Variants in LCP2 observed in about 807,000 individuals in gnomAD.
LCP2 encodes 76 kDa tyrosine phosphoprotein.
A neutral mutation model predicts 74.5 loss-of-function variants in LCP2; 29 were observed. That is an observed-to-expected ratio of 0.39 (90% CI 0.29 to 0.53). The LOEUF is 0.53. LCP2 is among the 20% of genes least tolerant of loss of function. LCP2 has a pLI of 0.72. For synonymous variants in LCP2, 228 were observed against 229.5 expected, an observed-to-expected ratio of 0.99 and a Z score of 0.06; for missense variants, 604 against 634.6, an observed-to-expected ratio of 0.95 and a Z score of 0.52.
rs748723231 is a variant in LCP2 at position 170,262,903 on chromosome 5, T to C, written c.799-42A>G. ...AAAATGTATGAGTGTCCAAGCACTT[T>C]TCAAAGAATAAGGACAAGATGTGAA... On this transcript the variant is annotated intron_variant, in intron 11 of 20. Transcript: ENST00000046794. 9 of 1,614,028 alleles carry C rather than the reference T, an allele frequency of 5.6e-6. No homozygotes were observed. The East Asian group carries it at 2.0e-4, about 36-fold the overall frequency.
intron 5 of LCP2, among the ~76,000 whole-genome samples, chr5:170,274,770 A>G (rs1761976133): frequency 6.6e-6 from 1 of 152,024 alleles, no homozygotes; most frequent in South Asian, 2.1e-4. Context: ...AGGTCAGGAG[A>G]TCGAGACCAT....
At chr5:170,267,227 C>G in intron 8 of LCP2, 152 bp from the exon 9 acceptor site, 2 of 733,272 alleles carry the variant, frequency 2.7e-6, no homozygotes, top group Non-Finnish European at 4.6e-6. Context: ...ACCGCAGTAG[C>G]CTCCTATCTG....
chr5:170,296,071 G>T (rs1318834770), intron 1 of LCP2, among the ~76,000 whole-genome samples: 2 of 152,166 alleles, frequency 1.3e-5, no homozygotes, highest in East Asian at 3.8e-4. Flanking sequence ...CCCGTCCCAA[G>T]TCTTTCTCTT....
intron 2 of LCP2, among the ~76,000 whole-genome samples, chr5:170,289,659 TTCTTTCTTTCTTTCTCTCTC>T (rs1762249166): frequency 8.9e-6 from 1 of 112,530 alleles, no homozygotes; most frequent in African/African-American, 3.6e-5. Context: ...CTTTCTTTCT[TTCTTTCTTTCTTTCTCTCTC>T]TCTCTCTTTC....
chr5:170,283,514 G>A (rs780682044), intron 3 of LCP2, among the ~76,000 whole-genome samples: 9 of 152,186 alleles, frequency 5.9e-5, no homozygotes, highest in Non-Finnish European at 7.3e-5. Flanking sequence ...CTCACTGGCA[G>A]GATCTTGGTC....
intron 13 of LCP2, among the ~76,000 whole-genome samples, chr5:170,261,405 G>GTA (rs1161834644): frequency 9.0e-6 from 1 of 110,882 alleles, no homozygotes; most frequent in African/African-American, 3.2e-5. Flanking sequence ...GTGTGTGTGT[G>GTA]TGTATATATA....
At chr5:170,290,081 G>T (rs1164474815) in intron 2 of LCP2, among the ~76,000 whole-genome samples, 1 of 152,166 alleles carries the variant, frequency 6.6e-6, no homozygotes, top group Non-Finnish European at 1.5e-5. Context: ...GAGAGATGTT[G>T]AAACAGAATT....
At chr5:170,255,322 A>C (rs1761530773) in intron 17 of LCP2, among the ~76,000 whole-genome samples, 1 of 152,218 alleles carries the variant, frequency 6.6e-6, no homozygotes, top group South Asian at 2.1e-4. Flanking sequence ...TGAATACCCT[A>C]GATGTGTTCT....
intron 2 of LCP2, among the ~76,000 whole-genome samples, chr5:170,291,387 T>C (rs1203672934): frequency 6.6e-6 from 1 of 151,884 alleles, no homozygotes; most frequent in Non-Finnish European, 1.5e-5. Flanking sequence ...GGGTGGAGGG[T>C]GGGTTTCAGC....
At position 170,247,584 on chromosome 5, in the gene LCP2, GT is replaced by G. The variant is rs1178985120; in HGVS notation, c.*1112del. 1 of 152,208 alleles carries G rather than the reference GT, an allele frequency of 6.6e-6. No individual in the cohort carries two copies. The highest frequency in any genetic ancestry group is 1.5e-5 in the Non-Finnish European group (1 of 68,038). The allele number at this position is 152,208 out of a possible 1,614,324, so 9.4% of individuals were successfully genotyped here. A position where few individuals can be genotyped will look rare whatever the true frequency, so the allele number is the denominator to read the frequency against. ...ATTGTCACTATTTGGCTGAATACCA[GT>G]TTTTTAATCTGGCTGAATGCCTATA... is the stretch of plus-strand genomic sequence containing the variant. On this transcript the variant is annotated 3_prime_UTR_variant, in exon 21 of 21. Transcript: ENST00000046794.
intron 3 of LCP2, among the ~76,000 whole-genome samples, chr5:170,277,760 A>G (rs80167229): frequency 5.9e-4 from 80 of 135,832 alleles, no homozygotes; most frequent in East Asian, 2.4e-3. Context: ...AAAAAAAAAA[A>G]AAAGAAAGAA....
At position 170,297,620 on chromosome 5, in the gene LCP2, T is replaced by C. The variant is rs746381337; in HGVS notation, c.-9A>G. Reference sequence around the variant, plus strand: ...ACATTCCTCAGTGCCATGGCTGCTCTCCCGGGAAGAAGCTCACAAGCTGAG... The same window carrying C: ...ACATTCCTCAGTGCCATGGCTGCTCCCCCGGGAAGAAGCTCACAAGCTGAG... On this transcript the variant is annotated 5_prime_UTR_variant, in exon 1 of 21. Transcript: ENST00000046794. 1.2e-6 allele frequency: 2 copies of C among 1,605,760 alleles called. No individual in the cohort carries two copies.
chr5:170,286,456 T>C (rs935222650), intron 3 of LCP2, among the ~76,000 whole-genome samples: 6 of 152,268 alleles, frequency 3.9e-5, no homozygotes, highest in African/African-American at 1.4e-4. Flanking sequence ...CAAAGAACTA[T>C]GGTTTATCTC....
intron 7 of LCP2, among the ~76,000 whole-genome samples, chr5:170,269,489 A>C (rs561191246): frequency 6.6e-6 from 1 of 152,378 alleles, no homozygotes; most frequent in South Asian, 2.1e-4. Context: ...CAGCTTCTCT[A>C]ATAGGCCATG....
intron 10 of LCP2, among the ~76,000 whole-genome samples, chr5:170,265,712 C>T (rs1166498089): frequency 6.6e-6 from 1 of 152,196 alleles, no homozygotes; most frequent in Non-Finnish European, 1.5e-5. Flanking sequence ...CGAGCAGCAG[C>T]CTCATATCCA....
intron 1 of LCP2, among the ~76,000 whole-genome samples, chr5:170,294,062 G>C (rs1423947304): frequency 1.3e-5 from 2 of 152,154 alleles, no homozygotes; most frequent in South Asian, 4.1e-4. Context: ...TTTGCAGATG[G>C]GGAATGAGAG....
chr5:170,282,388 G>C (rs1347425629), intron 3 of LCP2, among the ~76,000 whole-genome samples: 5 of 152,148 alleles, frequency 3.3e-5, no homozygotes, highest in Non-Finnish European at 5.9e-5. Flanking sequence ...GGCAATTTCT[G>C]TGTGCTGCCT....
At position 170,256,635 on chromosome 5, in the gene LCP2, G is replaced by A. The variant is rs546489853; in HGVS notation, c.1101-60C>T. 22 of 1,260,472 alleles carry A rather than the reference G, an allele frequency of 1.7e-5. No homozygotes were observed. In the African/African-American group the frequency reaches 2.2e-4, roughly 13 times the overall value. The allele number at this position is 1,260,472 out of a possible 1,614,324, so 78.1% of individuals were successfully genotyped here. ...ATTGGGGTGATGGGGCCAGACAGGG[G>A]AGCTGGGTTAGGGAAGCCAGGCTGC... On this transcript the variant is annotated intron_variant, in intron 16 of 20. Transcript: ENST00000046794. This position sits in a 1 kb window ranked among gnomAD's most constrained non-coding sequence, Gnocchi z 4.5.
Position 170,266,852 on chromosome 5 carries a change from A to AG in LCP2, c.727dup (p.Leu243ProfsTer9), listed in dbSNP as rs995640526. On this transcript the variant is annotated frameshift_variant, in exon 10 of 21. Coordinates refer to ENST00000046794, the MANE Select transcript of LCP2 (RefSeq NM_005565.5). LOFTEE classifies it high-confidence loss of function. ...ATCAAACGGAGCTAATGAACGATCT[A>AG]GGGGAGGTTTCGTGCTTCTGTCTAT... 6.2e-7 allele frequency: 1 copy of AG among 1,613,640 alleles called. No individual in the cohort carries two copies. The highest frequency in any genetic ancestry group is 8.5e-7 in the Non-Finnish European group (1 of 1,179,762).
Sources: gnomAD v4.1 joint callset for allele counts (sites outside exome capture counted in the v4.1 genomes callset) on GRCh38, gnomAD v4.1.1 for gene constraint, Gnocchi (gnomAD v3.1) non-coding constraint, MANE v1.5 for transcripts, NCBI Gene and HGNC (gene_info 2026-07-23, HGNC 2026-07-21) for gene names.